RAB3C: variants seen among roughly 807,000 people sequenced by gnomAD.
The protein encoded by RAB3C is ras-related protein Rab-3C.
RAB3C carries 17 observed loss-of-function variants against 26.4 expected under a neutral mutation model. The observed-to-expected ratio is 0.64, with a 90% CI of 0.44 to 0.97. RAB3C has a LOEUF of 0.97. RAB3C is among the 50% of genes least tolerant of loss of function. The probability of loss-of-function intolerance (pLI) is 0.00; values close to 1 mark genes in which losing one functional copy is unlikely to be tolerated. For missense variants in RAB3C, 242 were observed against 281.9 expected (o/e 0.86, Z 1.01); for synonymous variants, 91 against 95.9 (o/e 0.95, Z 0.30).
At chr5:58,712,831 ATT>A (rs1208049997) in intron 2 of RAB3C, among the ~76,000 whole-genome samples, 1 of 152,126 alleles carries the variant, frequency 6.6e-6, no homozygotes, top group Non-Finnish European at 1.5e-5. Flanking sequence ...GACCTAGAAT[ATT>A]TTTGTTTTTA....
At chr5:58,714,075 G>C (rs1749118508) in intron 2 of RAB3C, among the ~76,000 whole-genome samples, 1 of 152,144 alleles carries the variant, frequency 6.6e-6, no homozygotes, top group South Asian at 2.1e-4. Context: ...GCTCCTAAAA[G>C]TAGCTTCAGA....
intron 4 of RAB3C, among the ~76,000 whole-genome samples, chr5:58,831,017 A>T (rs2112067567): frequency 6.6e-6 from 1 of 152,232 alleles, no homozygotes; most frequent in East Asian, 1.9e-4. Flanking sequence ...CTGGAACTAT[A>T]GGCATGCACC....
At chr5:58,616,456 T>A (rs1395439065) in intron 1 of RAB3C, among the ~76,000 whole-genome samples, 1 of 152,204 alleles carries the variant, frequency 6.6e-6, no homozygotes, top group Non-Finnish European at 1.5e-5. Flanking sequence ...TGCAACATTC[T>A]AAATACCTCT....
chr5:58,821,520 T>C (rs2112053423), intron 3 of RAB3C, among the ~76,000 whole-genome samples: 1 of 152,324 alleles, frequency 6.6e-6, no homozygotes, highest in South Asian at 2.1e-4. Context: ...TCTGTGTACA[T>C]AAGATTAAGT....
At chr5:58,845,674 G>A (rs981805787) in intron 4 of RAB3C, among the ~76,000 whole-genome samples, 1 of 133,606 alleles carries the variant, frequency 7.5e-6, no homozygotes, top group South Asian at 2.4e-4. Context: ...ATACATATAT[G>A]TATATATGTG....
intron 1 of RAB3C, among the ~76,000 whole-genome samples, chr5:58,607,198 C>G (rs1468311429): frequency 6.6e-6 from 1 of 152,068 alleles, no homozygotes; most frequent in African/African-American, 2.4e-5. Flanking sequence ...CTAGAATAAA[C>G]AGTGTAGAAA....
chr5:58,588,859 G>A (rs1746066865), intron 1 of RAB3C, among the ~76,000 whole-genome samples: 1 of 152,026 alleles, frequency 6.6e-6, no homozygotes, highest in Non-Finnish European at 1.5e-5. Flanking sequence ...TTTACAAATA[G>A]AGATAGTTTA....
chr5:58,697,540 A>T (rs780877604), intron 2 of RAB3C, among the ~76,000 whole-genome samples: 2 of 152,078 alleles, frequency 1.3e-5, no homozygotes, highest in Admixed American at 1.3e-4. Flanking sequence ...GTCTCCCATT[A>T]TTATTGTGTG....
chr5:58,838,099 G>C (rs1338630150), intron 4 of RAB3C, among the ~76,000 whole-genome samples: 1 of 151,848 alleles, frequency 6.6e-6, no homozygotes, highest in African/African-American at 2.4e-5. Flanking sequence ...CAACTTTTTG[G>C]CCAGGTGCGG....
intron 3 of RAB3C, among the ~76,000 whole-genome samples, chr5:58,819,513 C>A (rs548239935): frequency 6.6e-6 from 1 of 152,314 alleles, no homozygotes; most frequent in African/African-American, 2.4e-5. Context: ...CCTAGACCTT[C>A]CTACATAAAA....
rs530673368 is a variant in RAB3C at position 58,590,863 on chromosome 5, TTTC to T, written c.24+7634_24+7636del. Among the ~76,000 whole-genome samples, 110 of 152,294 alleles carry T rather than the reference TTTC, an allele frequency of 7.2e-4. 1 individual carries two copies. In the East Asian group the frequency reaches 0.02, roughly 27 times the overall value. ...CCTGTCAGGTCACTGATTTTAAATA[TTTC>T]TTTTCTGCTAATAAATATAAGCACT... On this transcript the variant is annotated intron_variant, in intron 1 of 4. Coordinates refer to ENST00000282878, the MANE Select transcript of RAB3C (RefSeq NM_138453.4).
intron 1 of RAB3C, among the ~76,000 whole-genome samples, chr5:58,615,038 T>C (rs1561267367): frequency 6.6e-6 from 1 of 152,162 alleles, no homozygotes; most frequent in Non-Finnish European, 1.5e-5. Context: ...TTGAGCCATC[T>C]GCAGATTGTG....
At chr5:58,849,189 A>G (rs1435508323) in intron 4 of RAB3C, among the ~76,000 whole-genome samples, 3 of 152,224 alleles carry the variant, frequency 2.0e-5, no homozygotes, top group Admixed American at 6.5e-5. Flanking sequence ...AATCATACTA[A>G]TAAGTACAAG....
chr5:58,622,346 T>C (rs1385253763), intron 2 of RAB3C, among the ~76,000 whole-genome samples: 1 of 152,010 alleles, frequency 6.6e-6, no homozygotes, highest in Non-Finnish European at 1.5e-5. Context: ...TTACTATCTC[T>C]AGAAACTGGC....
intron 1 of RAB3C, among the ~76,000 whole-genome samples, chr5:58,604,436 G>A (rs1746518842): frequency 6.6e-6 from 1 of 152,190 alleles, no homozygotes; most frequent in South Asian, 2.1e-4. Flanking sequence ...ACTATGGGGA[G>A]TGGGACTAGG....
intron 3 of RAB3C, among the ~76,000 whole-genome samples, chr5:58,818,497 A>ATTTGT (rs747521623): frequency 4.1e-4 from 62 of 152,104 alleles, no homozygotes; most frequent in Admixed American, 5.2e-4. Flanking sequence ...AGCTTGAGGT[A>ATTTGT]TTTGTTTTGT....
chr5:58,634,828 G>A (rs1747255527), intron 2 of RAB3C, among the ~76,000 whole-genome samples: 1 of 152,158 alleles, frequency 6.6e-6, no homozygotes, highest in African/African-American at 2.4e-5. Flanking sequence ...GTCAGTGGGG[G>A]AGAAAAGCTG....
chr5:58,742,746 AT>A (rs577983643), intron 3 of RAB3C, among the ~76,000 whole-genome samples: 177 of 152,316 alleles, frequency 1.2e-3, no homozygotes, highest in African/African-American at 4.1e-3. Context: ...TGCTTTCTGA[AT>A]TGACAGAGCA....
chr5:58,775,515 G>A (rs953387589), intron 3 of RAB3C, among the ~76,000 whole-genome samples: 3 of 152,026 alleles, frequency 2.0e-5, no homozygotes, highest in Non-Finnish European at 4.4e-5. Flanking sequence ...GGTAATGGGC[G>A]TGAGTGAAGG....
Sources: gnomAD v4.1 joint callset for allele counts (sites outside exome capture counted in the v4.1 genomes callset) on GRCh38, gnomAD v4.1.1 for gene constraint, MANE v1.5 for transcripts, NCBI Gene and HGNC (gene_info 2026-07-23, HGNC 2026-07-21) for gene names.